The following WDR49 variants were observed in gnomAD, a reference collection of about 807,000 sequenced individuals.
The protein encoded by WDR49 is WD repeat domain 49, also known as cilia- and flagella-associated protein 337.
Under a neutral mutation model 119.5 loss-of-function variants are expected in WDR49, and 107 were observed. The ratio of observed to expected loss-of-function variants is 0.90; its 90% CI spans 0.77 to 1.05. The LOEUF is 1.05. WDR49 is among the 50% of genes least tolerant of loss of function. The probability of loss-of-function intolerance (pLI) is 0.00; values close to 1 mark genes in which losing one functional copy is unlikely to be tolerated. For synonymous variants in WDR49, 425 were observed against 418.8 expected (o/e 1.01, Z -0.18); for missense variants, 1,240 against 1,220.5 (o/e 1.02, Z -0.24).
chr3:167,532,759 T>C (rs1393223095), intron 12 of WDR49, 120 bp downstream of exon 12: 2 of 644,130 alleles, frequency 3.1e-6, no homozygotes, highest in Non-Finnish European at 5.3e-6. Context: ...TCCTTAATCC[T>C]TCAGGCTTAT....
At chr3:167,631,760 G>A (rs945583755) in intron 2 of WDR49, among the ~76,000 whole-genome samples, 3 of 152,008 alleles carry the variant, frequency 2.0e-5, no homozygotes, top group Non-Finnish European at 2.9e-5. Flanking sequence ...CTACTGGCAA[G>A]GTACTTCACT....
chr3:167,639,350 G>A (rs1055209158), intron 2 of WDR49, among the ~76,000 whole-genome samples: 2 of 151,820 alleles, frequency 1.3e-5, no homozygotes, highest in South Asian at 4.1e-4. Flanking sequence ...TTAAAAGGAA[G>A]AAACTGATGT....
chr3:167,558,176 G>T (rs1380132644), intron 9 of WDR49, among the ~76,000 whole-genome samples: 5 of 152,034 alleles, frequency 3.3e-5, no homozygotes, highest in African/African-American at 4.8e-5. Flanking sequence ...CAGTAACAGT[G>T]GTAGCCTCAG....
chr3:167,631,607 A>G (rs367776631), intron 2 of WDR49, among the ~76,000 whole-genome samples: 2 of 152,124 alleles, frequency 1.3e-5, no homozygotes, highest in Non-Finnish European at 2.9e-5. Context: ...TGTTTAGTTC[A>G]GTGAGATTCA....
chr3:167,536,259 G>A lies in WDR49; in HGVS notation c.1954+611C>T, dbSNP rs76001145. 6.1e-3 allele frequency among the ~76,000 whole-genome samples: 927 copies of A among 152,206 alleles called. 4 individuals carry two copies. Among genetic ancestry groups the A allele is most frequent in the Non-Finnish European group, 9.4e-3 (641 of 67,992 alleles). The stretch of plus-strand genomic sequence containing the variant: ...CTCATCACTAAGATATGATATATGT[G>A]TAAGGCTATTAATATGCTAATTACC... On this transcript the variant is annotated intron_variant, in intron 11 of 18. Coordinates refer to ENST00000682715, the MANE Select transcript of WDR49 (RefSeq NM_001366157.1).
At position 167,646,468 on chromosome 3, in the gene WDR49, C is replaced by A. The variant is rs946474671; in HGVS notation, c.165+6793G>T. Among the ~76,000 whole-genome samples the A allele has an allele frequency of 9.9e-5, 15 of 152,176 alleles. No homozygotes were observed. The Middle Eastern group carries it at 0.01, about 104-fold the overall frequency. ...AAATATATGTCCAGAAGTGAGGAAG[C>A]AGAACAAGTTAGTACGAAGTCATGA... On this transcript the variant is annotated intron_variant, in intron 2 of 18. Coordinates refer to ENST00000682715, the MANE Select transcript of WDR49 (RefSeq NM_001366157.1).
Position 167,522,460 on chromosome 3 carries a change from A to G in WDR49, c.2629T>C (p.Cys877Arg). The part of the protein sequence containing the change: ...GQAKHWHIEN[C>R]LFLPKRDTNL... ...GTATCTCTTTTAGGAAGGAAAAGGC[A>G]GTTTTCAATATGCCAGTGCTTTGCC... is the stretch of plus-strand genomic sequence containing the variant. The change falls in exon 16 of 19, where the codon TGC (cysteine) becomes CGC (arginine). Residue 877 changes from cysteine (C) to arginine (R), a missense_variant. Coordinates refer to ENST00000682715, the MANE Select transcript of WDR49 (RefSeq NM_001366157.1). 1 of 1,600,438 alleles carries G rather than the reference A, an allele frequency of 6.2e-7. No homozygotes were observed. The highest frequency in any genetic ancestry group is 8.5e-7 in the Non-Finnish European group (1 of 1,176,946).
chr3:167,519,117 A>T (rs1752329121), intron 16 of WDR49, among the ~76,000 whole-genome samples: 1 of 152,166 alleles, frequency 6.6e-6, no homozygotes, highest in Non-Finnish European at 1.5e-5. Flanking sequence ...TTAAAAAGTC[A>T]AGAAACAACA....
At position 167,605,407 on chromosome 3, in the gene WDR49, G is replaced by A. The variant is rs113332950; in HGVS notation, c.959-939C>T. The stretch of plus-strand genomic sequence containing the variant: ...ATTCAGTGTGTCATTTACAGATATC[G>A]TCTCTCAAAACATGGCATTCAATCC... On this transcript the variant is annotated intron_variant, in intron 5 of 18. Coordinates refer to ENST00000682715, the MANE Select transcript of WDR49 (RefSeq NM_001366157.1). 5.9e-5 allele frequency among the ~76,000 whole-genome samples: 9 copies of A among 151,966 alleles called. No individual in the cohort carries two copies. The East Asian group carries it at 7.7e-4, about 13-fold the overall frequency.
rs1172801556 is a variant in WDR49, at chr3:167,532,991, G to A, written c.1955-14C>T. ...CATCATAACTCCCTACACAAGACAG[G>A]ATGGAGAATATAAATTGCCAGGAGA... On this transcript the variant is annotated splice_polypyrimidine_tract_variant and intron_variant, in intron 11 of 18. Transcript: ENST00000682715. 1 of 1,530,274 alleles carries A rather than the reference G, an allele frequency of 6.5e-7. No individual in the cohort carries two copies. Among genetic ancestry groups the A allele is most frequent in the East Asian group, 2.3e-5 (1 of 43,356 alleles). The allele number at this position is 1,530,274 out of a possible 1,614,324, so 94.8% of individuals were successfully genotyped here.
intron 8 of WDR49, among the ~76,000 whole-genome samples, chr3:167,571,060 G>T (rs1440983772): frequency 6.6e-6 from 1 of 151,482 alleles, no homozygotes; most frequent in East Asian, 1.9e-4. Flanking sequence ...ATATTTGCTT[G>T]TCAGTGAATG....
At chr3:167,608,588 T>A (rs1209376963) in intron 5 of WDR49, among the ~76,000 whole-genome samples, 1 of 152,144 alleles carries the variant, frequency 6.6e-6, no homozygotes, top group Non-Finnish European at 1.5e-5. Flanking sequence ...AATGCCAGAG[T>A]TCCTGAGAGT....
intron 18 of WDR49, among the ~76,000 whole-genome samples, chr3:167,494,719 G>A (rs774415062): frequency 1.3e-5 from 2 of 152,176 alleles, no homozygotes; most frequent in Non-Finnish European, 2.9e-5. Flanking sequence ...TGGCTATGTG[G>A]GTTGGTGTGA....
At chr3:167,639,550 A>G (rs1376636941) in intron 2 of WDR49, among the ~76,000 whole-genome samples, 2 of 151,954 alleles carry the variant, frequency 1.3e-5, no homozygotes, top group African/African-American at 4.8e-5. Context: ...ATTGGAATGT[A>G]TACTCCCAAA....
intron 7 of WDR49, among the ~76,000 whole-genome samples, chr3:167,596,521 C>T (rs1715453693): frequency 6.6e-6 from 1 of 150,816 alleles, no homozygotes; most frequent in Non-Finnish European, 1.5e-5. Flanking sequence ...ATATATACAC[C>T]ATGGAATACT....
intron 8 of WDR49, among the ~76,000 whole-genome samples, chr3:167,571,267 A>T (rs769000842): frequency 7.9e-5 from 12 of 152,178 alleles, no homozygotes; most frequent in Non-Finnish European, 1.3e-4. Context: ...AAAACCCCAC[A>T]GAGAATCTCA....
In WDR49 at chr3:167,528,002, A is replaced by T; in HGVS notation, c.2422T>A (p.Ser808Thr). 6.2e-7 allele frequency: 1 copy of T among 1,612,672 alleles called. No homozygotes were observed. The highest frequency in any genetic ancestry group is 1.7e-5 in the Admixed American group (1 of 59,842). ...IWNIEEYCLN[S>T]SKNKITKAPT... ...GCCTTGGTGATTTTGTTCTTACTGGAGTTAAGACAGTACTCCTGAATGAAA... is the reference window on the plus strand; with the variant it reads ...GCCTTGGTGATTTTGTTCTTACTGGTGTTAAGACAGTACTCCTGAATGAAA... The change falls in exon 15 of 19, where the codon TCC becomes ACC. Residue 808 changes from serine to threonine, a missense_variant. Ser to Thr is a moderately conservative substitution (Grantham distance 58). Coordinates refer to ENST00000682715, the MANE Select transcript of WDR49 (RefSeq NM_001366157.1).
chr3:167,510,681 T>C (rs2108219337), intron 16 of WDR49, among the ~76,000 whole-genome samples: 1 of 152,312 alleles, frequency 6.6e-6, no homozygotes, highest in Non-Finnish European at 1.5e-5. Flanking sequence ...TATGTTTGTA[T>C]AAGCCAGAAG....
At chr3:167,606,244 A>G (rs1170493803) in intron 5 of WDR49, among the ~76,000 whole-genome samples, 2 of 152,134 alleles carry the variant, frequency 1.3e-5, no homozygotes, top group Non-Finnish European at 2.9e-5. Flanking sequence ...ATCTGATGAG[A>G]ACTATAGACC....
Sources: allele counts gnomAD v4.1 joint callset (sites outside exome capture counted in the v4.1 genomes callset), GRCh38; gene constraint gnomAD v4.1.1; transcripts MANE v1.5; gene names NCBI Gene and HGNC (gene_info 2026-07-23, HGNC 2026-07-21).